The following OVOL2 variants were observed in gnomAD, a reference collection of about 807,000 sequenced individuals.
The protein encoded by OVOL2 is ovo like zinc finger 2.
OVOL2 carries 13 observed loss-of-function variants against 18.1 expected under a neutral mutation model. The ratio of observed to expected loss-of-function variants is 0.72; its 90% CI spans 0.47 to 1.14. OVOL2 has a LOEUF of 1.14. Ranked by LOEUF, OVOL2 falls within the 50% of genes most tolerant of loss-of-function variation. The probability of loss-of-function intolerance (pLI) is 0.00; values close to 1 mark genes in which losing one functional copy is unlikely to be tolerated. For synonymous variants in OVOL2, 166 were observed against 162.7 expected, an observed-to-expected ratio of 1.02 and a Z score of -0.16; for missense variants, 335 against 383.0, an observed-to-expected ratio of 0.87 and a Z score of 1.05.
In OVOL2 at chr20:18,056,722, C is replaced by T. The variant is rs2036830295; in HGVS notation, c.256G>A (p.Asp86Asn). Residue 86 changes from aspartate (D) to asparagine (N), a missense_variant, in exon 2 of 4, where the codon GAC (aspartate) becomes AAC (asparagine). Transcript: ENST00000278780. The surrounding 1 kb of genome is among the most constrained non-coding windows in gnomAD (Gnocchi z 4.2). ...AGGTGTCCATCGGGGCCCTCGGCGT[C>T]GCCGGGCTCGGGGGTTTCGCTCTCG... ...APESETPEPG[D>N]AEGPDGHLAT... 3 of 1,464,894 alleles carry T rather than the reference C, an allele frequency of 2.0e-6. No homozygotes were observed. Among genetic ancestry groups the T allele is most frequent in the South Asian group, 1.4e-5 (1 of 71,612 alleles). The allele number at this position is 1,464,894 out of a possible 1,614,324, so 90.7% of individuals were successfully genotyped here. A position where few individuals can be genotyped will look rare whatever the true frequency, so the allele number is the denominator to read the frequency against.
intron 3 of OVOL2, among the ~76,000 whole-genome samples, chr20:18,026,623 T>C (rs930539437): frequency 8.5e-5 from 13 of 152,146 alleles, no homozygotes; most frequent in East Asian, 7.7e-4. Flanking sequence ...CCTTGTGATC[T>C]GCCCCCCTCG....
At chr20:18,055,086 C>T (rs887426262) in intron 2 of OVOL2, among the ~76,000 whole-genome samples, 5 of 152,082 alleles carry the variant, frequency 3.3e-5, no homozygotes, top group South Asian at 2.1e-4. Flanking sequence ...CTGTGCCTCC[C>T]GCCCCCCTTC....
intron 2 of OVOL2, among the ~76,000 whole-genome samples, chr20:18,051,662 G>A (rs1210019211): frequency 1.3e-5 from 2 of 152,144 alleles, no homozygotes; most frequent in South Asian, 2.1e-4. Flanking sequence ...ATTATATTCT[G>A]TACTGTCCAG....
Position 18,024,642 on chromosome 20 carries a change from C to A in OVOL2, c.822G>T (p.Arg274Ser). 1 of 1,598,242 alleles carries A rather than the reference C, an allele frequency of 6.3e-7. No homozygotes were observed. Among genetic ancestry groups the A allele is most frequent in the South Asian group, 1.1e-5 (1 of 89,522 alleles). The stretch of plus-strand genomic sequence containing the variant: ...GTCCTCCCCTTCCTTCTCCTCACTT[C>A]CTCTCCTCCTCCTCACTCAGGCTGG... ...ENTSLSEEEERK is the reference protein window; with the variant it reads ...ENTSLSEEEESK The change falls in exon 4 of 4, where the codon AGG becomes AGT. Residue 274 changes from arginine to serine, a missense_variant. Physicochemically the swap from Arg to Ser is moderately radical, Grantham distance 110. Coordinates refer to ENST00000278780, the MANE Select transcript of OVOL2 (RefSeq NM_021220.4).
chr20:18,056,967 G>A lies in OVOL2; in HGVS notation c.101-90C>T, dbSNP rs2036834723. ...TTGACCTGCGGGCGGTGCTGCCGCC[G>A]CCCCGCCCCGGACCTGGGCACCTCG... On this transcript the variant is annotated intron_variant, in intron 1 of 3. Transcript: ENST00000278780. This position sits in a 1 kb window ranked among gnomAD's most constrained non-coding sequence, Gnocchi z 4.2. 2 of 1,350,304 alleles carry A rather than the reference G, an allele frequency of 1.5e-6. No homozygotes were observed. Among genetic ancestry groups the A allele is most frequent in the South Asian group, 1.7e-5 (1 of 58,738 alleles). The allele number at this position is 1,350,304 out of a possible 1,614,324, so 83.6% of individuals were successfully genotyped here. A position where few individuals can be genotyped will look rare whatever the true frequency, so the allele number is the denominator to read the frequency against.
intron 3 of OVOL2, among the ~76,000 whole-genome samples, chr20:18,036,840 C>T (rs2036618949): frequency 6.6e-6 from 1 of 152,136 alleles, no homozygotes; most frequent in Admixed American, 6.5e-5. Context: ...AAGCAGGCTT[C>T]TAGAAACTGC....
intron 3 of OVOL2, among the ~76,000 whole-genome samples, chr20:18,041,292 T>C (rs6136265): frequency 0.14 from 20,799 of 150,946 alleles, 2,236 homozygotes; most frequent in African/African-American, 0.3. Flanking sequence ...GCCTCCCAAG[T>C]AGCTGGGATT....
At chr20:18,057,921 C>A, upstream of OVOL2, 1 of 1,270,764 alleles carries the variant, frequency 7.9e-7, no homozygotes, top group Non-Finnish European at 9.9e-7. This position sits in a 1 kb window ranked among gnomAD's most constrained non-coding sequence, Gnocchi z 6.3. Context: ...AAACTTGGGA[C>A]TGAGCATGCG....
chr20:18,033,951 A>G (rs968647835), intron 3 of OVOL2, among the ~76,000 whole-genome samples: 3 of 152,156 alleles, frequency 2.0e-5, no homozygotes, highest in Admixed American at 6.5e-5. Flanking sequence ...ATAAAGGCCC[A>G]TGTTTTTCAC....
Position 18,056,774 on chromosome 20 carries a change from T to C in OVOL2, c.204A>G (p.Ala68=), listed in dbSNP as rs1267010960. The C allele has an allele frequency of 6.6e-7, 1 of 1,507,126 alleles. No homozygotes were observed. Among genetic ancestry groups the C allele is most frequent in the East Asian group, 2.8e-5 (1 of 36,250 alleles). The allele number at this position is 1,507,126 out of a possible 1,614,324, so 93.4% of individuals were successfully genotyped here. Residue 68 remains alanine (A), a synonymous_variant, in exon 2 of 4, where the codon GCA becomes GCG. Transcript: ENST00000278780. This position sits in a 1 kb window ranked among gnomAD's most constrained non-coding sequence, Gnocchi z 4.2. ...GGGCGTGCGGGGACGAGCTGCTCTC[T>C]GCTCCTCCAGGCTCCCCCGCGCTGC... ...GSSSAGEPGG[A]ESSSSPHAPE... is the part of the protein sequence containing the mutation.
chr20:18,025,533 C>T (rs529377595), intron 3 of OVOL2, among the ~76,000 whole-genome samples: 2 of 152,260 alleles, frequency 1.3e-5, no homozygotes, highest in South Asian at 2.1e-4. Flanking sequence ...CGAGCCACTG[C>T]ACTCCAGTCT....
In OVOL2 at chr20:18,056,652, A is replaced by T; in HGVS notation, c.321+5T>A. On this transcript the variant is annotated splice_donor_5th_base_variant and intron_variant, in intron 2 of 3. Transcript: ENST00000278780. This position sits in a 1 kb window ranked among gnomAD's most constrained non-coding sequence, Gnocchi z 4.2. ...GTGGCGGCGGGGGCAGAGTCGACAC[A>T]GTACCTTGATTTTCGATCTGGCGAC... 7.0e-7 allele frequency: 1 copy of T among 1,422,132 alleles called. No homozygotes were observed. The highest frequency in any genetic ancestry group is 9.2e-7 in the Non-Finnish European group (1 of 1,091,474). 88.1% of individuals were successfully genotyped at this position (1,422,132 alleles called of 1,614,324 possible).
At chr20:18,049,458 G>A (rs1237837163) in intron 2 of OVOL2, among the ~76,000 whole-genome samples, 1 of 152,134 alleles carries the variant, frequency 6.6e-6, no homozygotes, top group African/African-American at 2.4e-5. Flanking sequence ...ACCTTCTGGT[G>A]GCCATTTGGA....
Position 18,024,472 on chromosome 20 carries a change from C to G in OVOL2, c.*164G>C. 1 of 1,386,586 alleles carries G rather than the reference C, an allele frequency of 7.2e-7. No individual in the cohort carries two copies. The highest frequency in any genetic ancestry group is 2.5e-5 in the East Asian group (1 of 39,370). 85.9% of individuals were successfully genotyped at this position (1,386,586 alleles called of 1,614,324 possible). A position where few individuals can be genotyped will look rare whatever the true frequency, so the allele number is the denominator to read the frequency against. On this transcript the variant is annotated 3_prime_UTR_variant, in exon 4 of 4. Coordinates refer to ENST00000278780, the MANE Select transcript of OVOL2 (RefSeq NM_021220.4). ...CAGGGCCTGACGTCACTAACGGCAACTGACAATCTTGGAATGGACCCTACT... is the reference window on the plus strand; with the variant it reads ...CAGGGCCTGACGTCACTAACGGCAAGTGACAATCTTGGAATGGACCCTACT...
chr20:18,052,665 C>T (rs73899402), intron 2 of OVOL2, among the ~76,000 whole-genome samples: 7,172 of 152,160 alleles, frequency 0.047, 194 homozygotes, highest in African/African-American at 0.065. Context: ...GATAGAGAGC[C>T]GGGTAAAAGG....
chr20:18,043,747 C>T (rs2036698763), intron 2 of OVOL2, among the ~76,000 whole-genome samples: 1 of 152,194 alleles, frequency 6.6e-6, no homozygotes, highest in Admixed American at 6.5e-5. Flanking sequence ...GACTCCCTGC[C>T]CAGTGCTTTC....
At chr20:18,048,302 T>A (rs901702604) in intron 2 of OVOL2, among the ~76,000 whole-genome samples, 5 of 151,774 alleles carry the variant, frequency 3.3e-5, no homozygotes, top group African/African-American at 7.3e-5. Context: ...GAAAAAAAAA[T>A]TTGTTTCCCA....
chr20:18,040,969 T>C (rs2036662487), intron 3 of OVOL2, among the ~76,000 whole-genome samples: 1 of 152,172 alleles, frequency 6.6e-6, no homozygotes, highest in African/African-American at 2.4e-5. Context: ...TGCATCATGA[T>C]TCTCAGAATA....
Position 18,057,807 on chromosome 20 carries a change from T to A in OVOL2, c.-173A>T. Reference sequence around the variant, plus strand: ...GGCCCAGGCCTCTCCCCCGCACGCCTGGCGACTCCCAGCCTCCCGGCTCGG... The same window carrying A: ...GGCCCAGGCCTCTCCCCCGCACGCCAGGCGACTCCCAGCCTCCCGGCTCGG... On this transcript the variant is annotated 5_prime_UTR_variant, in exon 1 of 4. Transcript: ENST00000278780. This position sits in a 1 kb window ranked among gnomAD's most constrained non-coding sequence, Gnocchi z 6.3. 7.3e-7 allele frequency: 1 copy of A among 1,368,766 alleles called. No individual in the cohort carries two copies. The highest frequency in any genetic ancestry group is 3.1e-5 in the East Asian group (1 of 32,752). 84.8% of individuals were successfully genotyped at this position (1,368,766 alleles called of 1,614,324 possible). A position where few individuals can be genotyped will look rare whatever the true frequency, so the allele number is the denominator to read the frequency against.
Sources: gnomAD v4.1 joint callset for allele counts (sites outside exome capture counted in the v4.1 genomes callset) on GRCh38, gnomAD v4.1.1 for gene constraint, Gnocchi (gnomAD v3.1) non-coding constraint, MANE v1.5 for transcripts, NCBI Gene and HGNC (gene_info 2026-07-23, HGNC 2026-07-21) for gene names.